Variants in MGMT observed in about 807,000 individuals in gnomAD.
The protein encoded by MGMT is methylated-DNA--protein-cysteine methyltransferase.
MGMT carries 14 observed loss-of-function variants against 15.9 expected under a neutral mutation model. That is an observed-to-expected ratio of 0.88 (90% CI 0.58 to 1.37). The LOEUF (loss-of-function observed/expected upper bound fraction) is 1.37, where lower values mean the gene tolerates loss of function less well. Among genes scored for constraint, MGMT ranks in the 40% most tolerant of loss-of-function variants. The pLI, the probability that MGMT is intolerant of heterozygous loss-of-function variation, is 0.00. For synonymous variants in MGMT, 130 were observed against 118.2 expected (o/e 1.10, Z -0.65); for missense variants, 282 against 268.1 (o/e 1.05, Z -0.36).
At chr10:129,691,109 G>A (rs1847964527) in intron 2 of MGMT, among the ~76,000 whole-genome samples, 2 of 152,246 alleles carry the variant, frequency 1.3e-5, no homozygotes, top group African/African-American at 2.4e-5. Context: ...GAAGGCAGCA[G>A]TGGGAACTGG....
intron 1 of MGMT, among the ~76,000 whole-genome samples, chr10:129,501,921 G>A (rs1473065618): frequency 7.2e-5 from 11 of 152,320 alleles, no homozygotes; most frequent in South Asian, 2.1e-4. Context: ...GCTAATGAGC[G>A]TGGCCTGGAG....
chr10:129,644,955 G>C (rs1847369607), intron 2 of MGMT, among the ~76,000 whole-genome samples: 1 of 152,134 alleles, frequency 6.6e-6, no homozygotes, highest in Non-Finnish European at 1.5e-5. Flanking sequence ...CCAGGCAGAA[G>C]GATGGGCAGG....
chr10:129,745,433 C>T (rs368214562), intron 3 of MGMT, among the ~76,000 whole-genome samples: 3 of 152,022 alleles, frequency 2.0e-5, no homozygotes, highest in Admixed American at 6.6e-5. Context: ...TCAGCAACTG[C>T]GACGTGTTCT....
chr10:129,624,297 T>C (rs921341430), intron 2 of MGMT, among the ~76,000 whole-genome samples: 2 of 152,144 alleles, frequency 1.3e-5, no homozygotes, highest in South Asian at 4.1e-4. Flanking sequence ...AGTTTCCATC[T>C]CATGGTGTAG....
intron 3 of MGMT, among the ~76,000 whole-genome samples, chr10:129,742,203 C>T (rs1848642125): frequency 6.6e-6 from 1 of 152,216 alleles, no homozygotes; most frequent in African/African-American, 2.4e-5. Context: ...CATGTGCCTA[C>T]TGGGTGGGGC....
At chr10:129,583,089 A>G (rs1044386260) in intron 2 of MGMT, among the ~76,000 whole-genome samples, 2 of 152,180 alleles carry the variant, frequency 1.3e-5, no homozygotes, top group Non-Finnish European at 2.9e-5. Flanking sequence ...GCTTCCTTCC[A>G]TAACAATGGG....
At chr10:129,467,410 C>A in intron 1 of MGMT, 114 bp downstream of exon 1, 1 of 1,375,330 alleles carries the variant, frequency 7.3e-7, no homozygotes, top group Non-Finnish European at 9.4e-7. Context: ...GTGGGGCCGC[C>A]CTGACCCCCA....
rs541938096 is a variant in MGMT at position 129,576,170 on chromosome 10, C to T, written c.125+39793C>T. Among the ~76,000 whole-genome samples the T allele has an allele frequency of 2.0e-5, 3 of 152,310 alleles. No homozygotes were observed. The South Asian group carries it at 6.2e-4, about 32-fold the overall frequency. On this transcript the variant is annotated intron_variant, in intron 2 of 4. Transcript: ENST00000651593. Reference sequence around the variant, plus strand: ...AATCAATAGACAAAGAGGGAATCCTCCCTAACTCATTTTATGAGGCCAGCA... The same window carrying T: ...AATCAATAGACAAAGAGGGAATCCTTCCTAACTCATTTTATGAGGCCAGCA...
chr10:129,750,544 CCTT>C (rs1478400953), intron 3 of MGMT, among the ~76,000 whole-genome samples: 1 of 152,096 alleles, frequency 6.6e-6, no homozygotes, highest in East Asian at 1.9e-4. Flanking sequence ...GACTTTTTCT[CCTT>C]GTCATTATCC....
intron 2 of MGMT, among the ~76,000 whole-genome samples, chr10:129,565,949 G>A (rs1034172349): frequency 4.6e-5 from 7 of 152,154 alleles, no homozygotes; most frequent in East Asian, 1.9e-4. Flanking sequence ...GGAAGACACC[G>A]TGGTCGGGGC....
At chr10:129,630,897 G>A (rs893096654) in intron 2 of MGMT, among the ~76,000 whole-genome samples, 4 of 152,228 alleles carry the variant, frequency 2.6e-5, no homozygotes, top group African/African-American at 4.8e-5. Context: ...AATGGCTCAC[G>A]TTAAAAATAG....
At chr10:129,567,431 A>G (rs1013094340) in intron 2 of MGMT, among the ~76,000 whole-genome samples, 5 of 152,036 alleles carry the variant, frequency 3.3e-5, no homozygotes, top group African/African-American at 9.7e-5. Flanking sequence ...AGCAAGTGCC[A>G]CTGAGCATCC....
intron 3 of MGMT, among the ~76,000 whole-genome samples, chr10:129,739,063 A>C (rs1848599736): frequency 6.6e-6 from 1 of 152,260 alleles, no homozygotes. Context: ...CCATATGATT[A>C]TCTCAATAGA....
chr10:129,755,802 G>A (rs1848799371), intron 3 of MGMT, among the ~76,000 whole-genome samples: 1 of 152,220 alleles, frequency 6.6e-6, no homozygotes. Context: ...GTGGCTCGTA[G>A]CAGATTATCA....
At chr10:129,564,130 C>T (rs76950577) in intron 2 of MGMT, 4,802 of 151,952 alleles carry the variant, frequency 0.032, 129 homozygotes, top group South Asian at 0.06. Flanking sequence ...ACCTCCTCCC[C>T]TTCTTCCTCC....
intron 2 of MGMT, among the ~76,000 whole-genome samples, chr10:129,688,480 A>G (rs1847935153): frequency 6.6e-6 from 1 of 152,168 alleles, no homozygotes; most frequent in Non-Finnish European, 1.5e-5. Context: ...TTGGCTGCGT[A>G]AATGTCTTCT....
At position 129,727,766 on chromosome 10, in the gene MGMT, G is replaced by A. The variant is rs551635900; in HGVS notation, c.274+19723G>A. Among the ~76,000 whole-genome samples, 10 of 152,314 alleles carry A rather than the reference G, an allele frequency of 6.6e-5. 1 individual carries two copies. The highest frequency in any genetic ancestry group is 2.2e-4 in the African/African-American group (9 of 41,574). ...TGCCTGGGCTTGGTGCTGCCAGAAA[G>A]GTATATGAGGAGCCCCGGGTAAGCC... On this transcript the variant is annotated intron_variant, in intron 3 of 4. Transcript: ENST00000651593.
Position 129,640,771 on chromosome 10 carries a change from C to T in MGMT, c.126-67124C>T, listed in dbSNP as rs569222479. On this transcript the variant is annotated intron_variant, in intron 2 of 4. Coordinates refer to ENST00000651593, the MANE Select transcript of MGMT (RefSeq NM_002412.5). ...TATATAAAGGATGATGGAACATGAC[C>T]AACTTGAGTTTATCTTATGAATGTA... Among the ~76,000 whole-genome samples, 387 of 152,194 alleles carry T rather than the reference C, an allele frequency of 2.5e-3. 2 individuals are homozygous for T. The highest frequency in any genetic ancestry group is 0.01 in the Middle Eastern group (3 of 292).
chr10:129,584,772 G>A (rs1395669240), intron 2 of MGMT, among the ~76,000 whole-genome samples: 3 of 152,072 alleles, frequency 2.0e-5, no homozygotes, highest in East Asian at 1.9e-4. Context: ...CTTTCCCTTC[G>A]TGTGGTGTTT....
Sources: gnomAD v4.1 joint callset for allele counts (sites outside exome capture counted in the v4.1 genomes callset) on GRCh38, gnomAD v4.1.1 for gene constraint, MANE v1.5 for transcripts, NCBI Gene and HGNC (gene_info 2026-07-23, HGNC 2026-07-21) for gene names.